PRICKLE1: variants seen among roughly 807,000 people sequenced by gnomAD.
The protein encoded by PRICKLE1 is prickle-like protein 1.
Under a neutral mutation model 70.2 loss-of-function variants are expected in PRICKLE1, and 14 were observed. The observed-to-expected ratio is 0.20, with a 90% CI of 0.13 to 0.31. PRICKLE1 has a LOEUF of 0.31. Ranked by LOEUF, PRICKLE1 falls within the 10% of genes least tolerant of loss-of-function variation. The probability of loss-of-function intolerance (pLI) is 1.00; values close to 1 mark genes in which losing one functional copy is unlikely to be tolerated. For missense variants in PRICKLE1, 821 were observed against 1,026.2 expected, an observed-to-expected ratio of 0.80 and a Z score of 2.73; for synonymous variants, 357 against 379.9, an observed-to-expected ratio of 0.94 and a Z score of 0.70.
chr12:42,472,617 C>A, intron 1 of PRICKLE1, 53 bp from the exon 2 acceptor site: 1 of 1,458,872 alleles, frequency 6.9e-7, no homozygotes. Context: ...ATGCATTTCT[C>A]TTACCCCCGA....
intron 1 of PRICKLE1, among the ~76,000 whole-genome samples, chr12:42,562,179 G>A (rs891539486): frequency 6.6e-6 from 1 of 151,882 alleles, no homozygotes; most frequent in Non-Finnish European, 1.5e-5. Context: ...CAAAGTGCTG[G>A]GATTACAGGT....
At chr12:42,578,612 C>T (rs1189494972) in intron 1 of PRICKLE1, among the ~76,000 whole-genome samples, 1 of 147,232 alleles carries the variant, frequency 6.8e-6, no homozygotes, top group Admixed American at 6.9e-5. Flanking sequence ...GGGTAAACAG[C>T]TGAGAAACTC....
rs1937714814 is a variant in PRICKLE1, at chr12:42,459,539, G to GA, written c.*269dup. 1.6e-6 allele frequency: 1 copy of GA among 618,210 alleles called. No homozygotes were observed. The highest frequency in any genetic ancestry group is 2.9e-6 in the Non-Finnish European group (1 of 348,810). The allele number at this position is 618,210 out of a possible 1,614,324, so 38.3% of individuals were successfully genotyped here. On this transcript the variant is annotated 3_prime_UTR_variant, in exon 8 of 8. Coordinates refer to ENST00000345127, the MANE Select transcript of PRICKLE1 (RefSeq NM_153026.3). ...ATCTTCAGTATTCCCTTGAGGACTGGAAAACCAAAGCAGCTACGTCCATCT... is the reference window on the plus strand; with the variant it reads ...ATCTTCAGTATTCCCTTGAGGACTGGAAAAACCAAAGCAGCTACGTCCATCT...
intron 1 of PRICKLE1, among the ~76,000 whole-genome samples, chr12:42,538,723 C>A (rs764472607): frequency 2.6e-5 from 4 of 152,130 alleles, no homozygotes; most frequent in Admixed American, 6.5e-5. Context: ...AGACACAGAA[C>A]CACATATTAT....
At position 42,472,575 on chromosome 12, in the gene PRICKLE1, T is replaced by TA; in HGVS notation, c.-48-12dup. ...ATCAAACAATGGCTGCTGTGAACAA[T>TA]ATAAGAAAAAACAAAGACATCTAAA... On this transcript the variant is annotated splice_polypyrimidine_tract_variant and intron_variant, in intron 1 of 7. Coordinates refer to ENST00000345127, the MANE Select transcript of PRICKLE1 (RefSeq NM_153026.3). The TA allele has an allele frequency of 6.2e-7, 1 of 1,609,846 alleles. No individual in the cohort carries two copies. The highest frequency in any genetic ancestry group is 8.5e-7 in the Non-Finnish European group (1 of 1,176,702).
intron 1 of PRICKLE1, among the ~76,000 whole-genome samples, chr12:42,559,655 G>A (rs1940472582): frequency 8.1e-6 from 1 of 123,126 alleles, no homozygotes; most frequent in East Asian, 3.1e-4. Context: ...TAGAGATGGG[G>A]GCCTCATTAT....
chr12:42,484,934 A>G (rs1938946895), intron 1 of PRICKLE1, among the ~76,000 whole-genome samples: 1 of 152,240 alleles, frequency 6.6e-6, no homozygotes. Context: ...CAAGAGAATG[A>G]AGGGGAAAAT....
intron 1 of PRICKLE1, among the ~76,000 whole-genome samples, chr12:42,576,812 G>T (rs1940812764): frequency 6.6e-6 from 1 of 152,134 alleles, no homozygotes; most frequent in Non-Finnish European, 1.5e-5. Flanking sequence ...AGGTCCTAAG[G>T]ATTTGCTGAA....
intron 3 of PRICKLE1, 100 bp downstream of exon 3, chr12:42,470,146 G>A: frequency 1.2e-6 from 1 of 852,126 alleles, no homozygotes; most frequent in Non-Finnish European, 2.0e-6. Flanking sequence ...GCAAAAGGGA[G>A]CCCTCGCCAG....
intron 1 of PRICKLE1, among the ~76,000 whole-genome samples, chr12:42,553,144 A>T (rs979814616): frequency 6.6e-6 from 1 of 151,784 alleles, no homozygotes; most frequent in Non-Finnish European, 1.5e-5. Context: ...CAGGTTCTTA[A>T]ATTTTTTTTT....
intron 1 of PRICKLE1, among the ~76,000 whole-genome samples, chr12:42,503,506 A>C (rs1593142834): frequency 6.6e-6 from 1 of 152,194 alleles, no homozygotes; most frequent in African/African-American, 2.4e-5. Flanking sequence ...AACTAAAGTA[A>C]CTACTGAGAA....
intron 1 of PRICKLE1, among the ~76,000 whole-genome samples, chr12:42,571,619 C>A (rs1592038380): frequency 1.3e-5 from 2 of 152,204 alleles, no homozygotes; most frequent in African/African-American, 4.8e-5. Flanking sequence ...TGGACGGGAG[C>A]TTACGCTTGT....
At chr12:42,587,017 T>G (rs1940996852) in intron 1 of PRICKLE1, among the ~76,000 whole-genome samples, 1 of 152,242 alleles carries the variant, frequency 6.6e-6, no homozygotes. Context: ...TTAGATTTTA[T>G]CTGGGGGACT....
chr12:42,572,577 C>T (rs563703690), intron 1 of PRICKLE1, among the ~76,000 whole-genome samples: 2 of 152,168 alleles, frequency 1.3e-5, no homozygotes, highest in East Asian at 3.9e-4. Context: ...AATTCTAGCT[C>T]TTTGGAAGGC....
Position 42,464,354 on chromosome 12 carries a change from GCTC to G in PRICKLE1, c.1639+38_1639+40del. ...AATTTTTTGAATACACTTTTTAGTA[GCTC>G]CTTTTTTCAAATACCCCATAATCCC... On this transcript the variant is annotated intron_variant, in intron 7 of 7. Coordinates refer to ENST00000345127, the MANE Select transcript of PRICKLE1 (RefSeq NM_153026.3). This position sits in a 1 kb window ranked among gnomAD's most constrained non-coding sequence, Gnocchi z 4.2. 2 of 1,613,070 alleles carry G rather than the reference GCTC, an allele frequency of 1.2e-6. No individual in the cohort carries two copies. The highest frequency in any genetic ancestry group is 8.5e-7 in the Non-Finnish European group (1 of 1,179,246).
At chr12:42,533,094 A>G (rs1428101543) in intron 1 of PRICKLE1, among the ~76,000 whole-genome samples, 2 of 152,156 alleles carry the variant, frequency 1.3e-5, no homozygotes, top group African/African-American at 4.8e-5. Context: ...AGATCATGAC[A>G]TAAGTACAGT....
intron 1 of PRICKLE1, among the ~76,000 whole-genome samples, chr12:42,566,567 C>T (rs948163642): frequency 1.3e-5 from 2 of 152,154 alleles, no homozygotes; most frequent in Non-Finnish European, 2.9e-5. Flanking sequence ...ATTCTCTCAA[C>T]CATTTGGAAC....
chr12:42,553,368 G>T (rs927805070), intron 1 of PRICKLE1, among the ~76,000 whole-genome samples: 30 of 151,752 alleles, frequency 2.0e-4, no homozygotes, highest in African/African-American at 6.8e-4. Context: ...GGCGTGAACC[G>T]GGGAGGCAGA....
intron 1 of PRICKLE1, chr12:42,484,003 G>A (rs1312875091): frequency 2.6e-5 from 2 of 78,194 alleles, no homozygotes; most frequent in Admixed American, 2.1e-4. Flanking sequence ...AGTAATCAGA[G>A]CCCGCAGTAA....
Sources: gnomAD v4.1 joint callset for allele counts (sites outside exome capture counted in the v4.1 genomes callset) on GRCh38, gnomAD v4.1.1 for gene constraint, Gnocchi (gnomAD v3.1) non-coding constraint, MANE v1.5 for transcripts, NCBI Gene and HGNC (gene_info 2026-07-23, HGNC 2026-07-21) for gene names.